DNAH12: variants seen among roughly 807,000 people sequenced by gnomAD.
The protein encoded by DNAH12 is dynein axonemal heavy chain 12.
In DNAH12, 285 loss-of-function variants were observed where a neutral mutation model predicts 371.5. That is an observed-to-expected ratio of 0.77 (90% CI 0.70 to 0.85). The LOEUF is 0.85. Ranked by LOEUF, DNAH12 falls within the 40% of genes least tolerant of loss-of-function variation. The probability of loss-of-function intolerance (pLI) is 0.00; values close to 1 mark genes in which losing one functional copy is unlikely to be tolerated. For synonymous variants in DNAH12, 1,200 were observed against 1,213.0 expected, an observed-to-expected ratio of 0.99 and a Z score of 0.22; for missense variants, 3,611 against 3,689.4, an observed-to-expected ratio of 0.98 and a Z score of 0.55.
chr3:57,360,621 A>C (rs1421309249), intron 58 of DNAH12, among the ~76,000 whole-genome samples: 1 of 152,082 alleles, frequency 6.6e-6, no homozygotes, highest in Non-Finnish European at 1.5e-5. Context: ...TCGGAGGCGA[A>C]GGTTGCAATG....
chr3:57,421,813 C>G, intron 35 of DNAH12, 107 bp from the exon 36 acceptor site: 1 of 1,224,898 alleles, frequency 8.2e-7, no homozygotes, highest in Admixed American at 2.1e-5. Flanking sequence ...CTTACTTGAA[C>G]AAGGTCGTAA....
rs36173105 is a variant in DNAH12 at position 57,377,088 on chromosome 3, A to G, written c.8358T>C (p.Leu2786=). The G allele has an allele frequency of 0.32, 49,119 of 151,940 alleles. 8,930 individuals carry two copies. Among genetic ancestry groups the G allele is most frequent in the Non-Finnish European group, 0.42 (28,693 of 67,904 alleles). 9.4% of individuals were successfully genotyped at this position (151,940 alleles called of 1,614,324 possible). A position where few individuals can be genotyped will look rare whatever the true frequency, so the allele number is the denominator to read the frequency against. The part of the protein sequence containing the change: ...HHLENLQMTF[L]EKTEEKAALE... The stretch of plus-strand genomic sequence containing the variant: ...AAGCAGCCTTTTCCTCTGTTTTCTC[A>G]AGAAATGTCATTTGTAAATTTTCCA... The change falls in exon 53 of 74, where the codon CTT becomes CTC. Residue 2786 remains leucine (L), a synonymous_variant. Transcript: ENST00000495027.
At position 57,325,771 on chromosome 3, in the gene DNAH12, A is replaced by G. The variant is rs182417318; in HGVS notation, c.9979-2152T>C. Among the ~76,000 whole-genome samples the G allele has an allele frequency of 1.1e-3, 163 of 152,184 alleles. 1 individual carries two copies. The highest frequency in any genetic ancestry group is 3.8e-3 in the African/African-American group (156 of 41,552). On this transcript the variant is annotated intron_variant, in intron 62 of 73. Transcript: ENST00000495027. ...GAAGGCTTCAGACAATCAAACTACG[A>G]GCTACAGGAGGAAATTCAAACCAAA... is the stretch of plus-strand genomic sequence containing the variant.
chr3:57,552,762 CAATT>C, the DNAH12 span, among the ~76,000 whole-genome samples: 22 of 151,824 alleles, frequency 1.4e-4, no homozygotes, highest in Non-Finnish European at 3.1e-4. Flanking sequence ...AAATAAAAAA[CAATT>C]AGTTGGGTGT....
upstream of DNAH12, among the ~76,000 whole-genome samples, chr3:57,547,782 G>A (rs148757169): frequency 1.8e-3 from 272 of 152,120 alleles, 1 homozygote; most frequent in African/African-American, 6.1e-3. Context: ...CATCAGTTCC[G>A]TCCCATGTAA....
chr3:57,498,227 C>A, intron 11 of DNAH12: 1 of 391,794 alleles, frequency 2.6e-6, no homozygotes, highest in Non-Finnish European at 4.5e-6. Flanking sequence ...ACTGATAAGC[C>A]CAAAGGTTGA....
chr3:57,440,576 T>C (rs1430948857), intron 29 of DNAH12, among the ~76,000 whole-genome samples: 2 of 152,230 alleles, frequency 1.3e-5, no homozygotes, highest in Non-Finnish European at 2.9e-5. Context: ...TATTGGGTAC[T>C]ATGCTCAGTA....
chr3:57,406,372 GAAA>G (rs1303647224), intron 40 of DNAH12, among the ~76,000 whole-genome samples: 1 of 119,404 alleles, frequency 8.4e-6, no homozygotes, highest in Non-Finnish European at 1.7e-5. Flanking sequence ...AAAAAAAAAA[GAAA>G]AAAAAAGATT....
intron 18 of DNAH12, among the ~76,000 whole-genome samples, chr3:57,462,347 G>A (rs1372979389): frequency 1.3e-5 from 2 of 152,240 alleles, no homozygotes; most frequent in East Asian, 3.9e-4. Flanking sequence ...CACCTCCCGG[G>A]TTCAAGCAAT....
At chr3:57,366,393 TTTC>T (rs1287512635) in intron 57 of DNAH12, among the ~76,000 whole-genome samples, 1 of 152,188 alleles carries the variant, frequency 6.6e-6, no homozygotes, top group Non-Finnish European at 1.5e-5. Flanking sequence ...ATTCCTTTAC[TTTC>T]TTAATAAACT....
intron 43 of DNAH12, among the ~76,000 whole-genome samples, chr3:57,396,666 A>C (rs2153349351): frequency 6.6e-6 from 1 of 152,276 alleles, no homozygotes; most frequent in Admixed American, 6.5e-5. Flanking sequence ...GGTGCATTCC[A>C]CTACAAGTGA....
chr3:57,357,562 GGGAAGGAGA>G (rs1243678106), intron 58 of DNAH12, among the ~76,000 whole-genome samples: 1 of 152,068 alleles, frequency 6.6e-6, no homozygotes, highest in African/African-American at 2.4e-5. Context: ...TGGAGGAAAG[GGGAAGGAGA>G]GAAAGGAGGA....
intron 8 of DNAH12, among the ~76,000 whole-genome samples, chr3:57,505,655 G>C (rs1352577625): frequency 2.6e-5 from 4 of 152,034 alleles, no homozygotes; most frequent in Non-Finnish European, 5.9e-5. Context: ...TGGCCAGGCT[G>C]GTCTCGAACT....
Position 57,453,269 on chromosome 3 carries a change from C to G in DNAH12, c.3591G>C (p.Val1197=). The stretch of plus-strand genomic sequence containing the variant: ...TACCCATTTTAATCATGTCCATGAC[C>G]ACATCTCTAGCATGGACATCAATAG... The part of the protein sequence containing the change: ...LVTIDVHARD[V]VMDMIKMGVS... The change falls in exon 24 of 74, where the codon GTG becomes GTC. Residue 1197 remains valine (V), a synonymous_variant. Coordinates refer to ENST00000495027, the MANE Select transcript of DNAH12 (RefSeq NM_001366028.2). The G allele has an allele frequency of 1.3e-6, 2 of 1,534,270 alleles. No individual in the cohort carries two copies. The highest frequency in any genetic ancestry group is 1.8e-6 in the Non-Finnish European group (2 of 1,142,742).
intron 72 of DNAH12, 67 bp downstream of exon 72, chr3:57,296,271 TAAGCAA>T: frequency 8.2e-7 from 1 of 1,217,894 alleles, no homozygotes. Flanking sequence ...ACTTTTTTTT[TAAGCAA>T]CAGATTGCTT....
chr3:57,425,250 CT>C (rs541818435), intron 34 of DNAH12, 109 bp from the exon 35 acceptor site: 416 of 585,578 alleles, frequency 7.1e-4, no homozygotes, highest in Non-Finnish European at 8.0e-4. Context: ...TTAATAAGGT[CT>C]TTTTTTTTGT....
intron 10 of DNAH12, among the ~76,000 whole-genome samples, chr3:57,501,955 G>A (rs1428736476): frequency 2.0e-5 from 3 of 151,360 alleles, no homozygotes; most frequent in Non-Finnish European, 2.9e-5. Context: ...CGCCCAGGCT[G>A]GAGAGCAGTG....
chr3:57,447,610 A>T (rs1166263976), intron 25 of DNAH12, among the ~76,000 whole-genome samples: 3 of 152,106 alleles, frequency 2.0e-5, no homozygotes, highest in African/African-American at 7.2e-5. Context: ...CTTTATTTTT[A>T]CTTTATTTTA....
chr3:57,410,624 C>A (rs373835869), intron 39 of DNAH12, among the ~76,000 whole-genome samples: 3 of 152,000 alleles, frequency 2.0e-5, no homozygotes, highest in East Asian at 3.9e-4. Context: ...TCAAGACCAG[C>A]CTGGCCAACA....
Sources: gnomAD v4.1 joint callset for allele counts (sites outside exome capture counted in the v4.1 genomes callset) on GRCh38, gnomAD v4.1.1 for gene constraint, MANE v1.5 for transcripts, NCBI Gene and HGNC (gene_info 2026-07-23, HGNC 2026-07-21) for gene names.